Variants in PGBD5 observed in about 807,000 individuals in gnomAD.
The protein encoded by PGBD5 is piggyBac transposable element-derived protein 5.
A neutral mutation model predicts 47.9 loss-of-function variants in PGBD5; 14 were observed. The ratio of observed to expected loss-of-function variants is 0.29; its 90% CI spans 0.19 to 0.46. The LOEUF (loss-of-function observed/expected upper bound fraction) is 0.46, where lower values mean the gene tolerates loss of function less well. Ranked by LOEUF, PGBD5 falls within the 20% of genes least tolerant of loss-of-function variation. The probability of loss-of-function intolerance (pLI) is 1.00; values close to 1 mark genes in which losing one functional copy is unlikely to be tolerated. For synonymous variants in PGBD5, 316 were observed against 306.3 expected, an observed-to-expected ratio of 1.03 and a Z score of -0.33; for missense variants, 635 against 716.0, an observed-to-expected ratio of 0.89 and a Z score of 1.29.
intron 1 of PGBD5, among the ~76,000 whole-genome samples, chr1:230,383,226 T>C (rs1656555484): frequency 6.6e-6 from 1 of 151,914 alleles, no homozygotes; most frequent in Non-Finnish European, 1.5e-5. Context: ...TGCACCACCA[T>C]GCCCAGCTAA....
chr1:230,360,068 A>G (rs1231174000), intron 1 of PGBD5, among the ~76,000 whole-genome samples: 3 of 152,220 alleles, frequency 2.0e-5, no homozygotes, highest in South Asian at 4.1e-4. Context: ...CAATTATTCA[A>G]GGATAGTGCT....
At chr1:230,326,496 T>C (rs1375944344) in intron 5 of PGBD5, among the ~76,000 whole-genome samples, 1 of 152,168 alleles carries the variant, frequency 6.6e-6, no homozygotes, top group Non-Finnish European at 1.5e-5. Flanking sequence ...TCTTGCTCTG[T>C]CACTCAGGCT....
chr1:230,335,868 TGCATACACGGAC>T lies in PGBD5; in HGVS notation c.1075+1228_1075+1239del, dbSNP rs2102818042. Reference sequence around the variant, plus strand: ...ACAGACACACAGATACACACACAGATGCATACACGGACACACAGATGCATACACGGACATACA... The same window carrying T: ...ACAGACACACAGATACACACACAGATACACAGATGCATACACGGACATACA... On this transcript the variant is annotated intron_variant, in intron 4 of 6. Coordinates refer to ENST00000391860, the MANE Select transcript of PGBD5 (RefSeq NM_001258311.2). Among the ~76,000 whole-genome samples the T allele has an allele frequency of 5.3e-4, 3 of 5,678 alleles. No homozygotes were observed. The South Asian group carries it at 0.058, about 109-fold the overall frequency. The allele number at this position is 5,678 out of a possible 152,430, so 3.7% of individuals were successfully genotyped here.
intron 1 of PGBD5, among the ~76,000 whole-genome samples, chr1:230,419,177 A>G (rs904077115): frequency 5.6e-5 from 8 of 142,072 alleles, no homozygotes; most frequent in African/African-American, 1.9e-4. Context: ...TCAATGGTGG[A>G]CTGGATAAAG....
rs1427801976 is a variant in PGBD5 at position 230,322,837 on chromosome 1, T to A, written c.*588A>T. 1 of 152,726 alleles carries A rather than the reference T, an allele frequency of 6.5e-6. No individual in the cohort carries two copies. Among genetic ancestry groups the A allele is most frequent in the Non-Finnish European group, 1.5e-5 (1 of 68,142 alleles). The allele number at this position is 152,726 out of a possible 1,614,324, so 9.5% of individuals were successfully genotyped here. On this transcript the variant is annotated 3_prime_UTR_variant, in exon 7 of 7. Coordinates refer to ENST00000391860, the MANE Select transcript of PGBD5 (RefSeq NM_001258311.2). This position sits in a 1 kb window ranked among gnomAD's most constrained non-coding sequence, Gnocchi z 5.9. Reference sequence around the variant, plus strand: ...AGAGGGAATGAGCAGGAATGCCTCGTTTTTCAGAATGGGCACCCACTCCCC... The same window carrying A: ...AGAGGGAATGAGCAGGAATGCCTCGATTTTCAGAATGGGCACCCACTCCCC...
Position 230,425,964 on chromosome 1 carries a change from T to C in PGBD5, c.-36A>G, listed in dbSNP as rs1657774578. 5 of 895,010 alleles carry C rather than the reference T, an allele frequency of 5.6e-6. No homozygotes were observed. The highest frequency in any genetic ancestry group is 6.6e-6 in the Non-Finnish European group (5 of 756,164). 55.4% of individuals were successfully genotyped at this position (895,010 alleles called of 1,614,324 possible). ...GCCGCCCGCGCGCCCGCCCCCACAG[T>C]GCCTCCCAGCCGCACACGCCGGGCC... On this transcript the variant is annotated 5_prime_UTR_variant, in exon 1 of 7. Transcript: ENST00000391860. The surrounding 1 kb of genome is among the most constrained non-coding windows in gnomAD (Gnocchi z 4.7).
chr1:230,425,929 G>T lies in PGBD5; in HGVS notation c.-1C>A, dbSNP rs1043788139. On this transcript the variant is annotated 5_prime_UTR_variant, in exon 1 of 7. Coordinates refer to ENST00000391860, the MANE Select transcript of PGBD5 (RefSeq NM_001258311.2). This position sits in a 1 kb window ranked among gnomAD's most constrained non-coding sequence, Gnocchi z 4.7. Reference sequence around the variant, plus strand: ...GCGCGCCCCCGCCGCCCTCGGCCATGGCCCCGGCCGCCGCCCGCGCGCCCG... The same window carrying T: ...GCGCGCCCCCGCCGCCCTCGGCCATTGCCCCGGCCGCCGCCCGCGCGCCCG... 2.4e-5 allele frequency: 24 copies of T among 996,982 alleles called. No individual in the cohort carries two copies. The Admixed American group carries it at 1.6e-3, about 68-fold the overall frequency. The allele number at this position is 996,982 out of a possible 1,614,324, so 61.8% of individuals were successfully genotyped here. A position where few individuals can be genotyped will look rare whatever the true frequency, so the allele number is the denominator to read the frequency against.
At chr1:230,330,077 C>T (rs1033557090) in intron 5 of PGBD5, among the ~76,000 whole-genome samples, 5 of 152,054 alleles carry the variant, frequency 3.3e-5, no homozygotes, top group African/African-American at 4.8e-5. Flanking sequence ...TGAATGAGAA[C>T]GTGACAAATA....
intron 1 of PGBD5, among the ~76,000 whole-genome samples, chr1:230,372,239 C>G (rs991320931): frequency 2.0e-5 from 3 of 152,182 alleles, no homozygotes; most frequent in African/African-American, 7.2e-5. Flanking sequence ...TCAAATCACC[C>G]AAGTTAGAGT....
rs1268973070 is a variant in PGBD5 at position 230,412,231 on chromosome 1, AG to A, written c.331+13366del. Among the ~76,000 whole-genome samples the A allele has an allele frequency of 9.2e-5, 14 of 152,334 alleles. No individual in the cohort carries two copies. In the South Asian group the frequency reaches 2.5e-3, roughly 27 times the overall value. The stretch of plus-strand genomic sequence containing the variant: ...TGGCCCTTGAACAATGCAGGGGTTA[AG>A]GGGTTGACCCCAACCCAGTTGAAAA... On this transcript the variant is annotated intron_variant, in intron 1 of 6. Transcript: ENST00000391860.
At chr1:230,335,754 C>T (rs1397722470) in intron 4 of PGBD5, among the ~76,000 whole-genome samples, 2 of 140,354 alleles carry the variant, frequency 1.4e-5, no homozygotes, top group East Asian at 2.2e-4. Context: ...AAGACACACA[C>T]AGATACACAG....
chr1:230,343,785 G>C (rs1307947924), intron 3 of PGBD5, among the ~76,000 whole-genome samples: 1 of 152,186 alleles, frequency 6.6e-6, no homozygotes, highest in East Asian at 1.9e-4. Context: ...TAAAAAGACT[G>C]AGTCAAATAA....
rs543739037 is a variant in PGBD5 at position 230,320,219 on chromosome 1, A to G, written c.*3206T>C. On this transcript the variant is annotated 3_prime_UTR_variant, in exon 7 of 7. Coordinates refer to ENST00000391860, the MANE Select transcript of PGBD5 (RefSeq NM_001258311.2). ...GAAAGACAATGAAAGTCGAATATGG[A>G]ACCTGATCAAGTAGGCACCAAACAG... 6.6e-6 allele frequency: 1 copy of G among 151,960 alleles called. No homozygotes were observed. 9.4% of individuals were successfully genotyped at this position (151,960 alleles called of 1,614,324 possible).
At chr1:230,402,795 T>C (rs892598035) in intron 1 of PGBD5, among the ~76,000 whole-genome samples, 3 of 152,210 alleles carry the variant, frequency 2.0e-5, no homozygotes, top group African/African-American at 7.2e-5. Context: ...GCCAGCAACA[T>C]TTTAATATGT....
At chr1:230,413,045 T>A (rs572156701) in intron 1 of PGBD5, among the ~76,000 whole-genome samples, 1 of 151,554 alleles carries the variant, frequency 6.6e-6, no homozygotes, top group South Asian at 2.1e-4. Flanking sequence ...AAAACCAGTA[T>A]TTTTTCTCAT....
chr1:230,412,222 C>T (rs998522022), intron 1 of PGBD5, among the ~76,000 whole-genome samples: 4 of 152,158 alleles, frequency 2.6e-5, no homozygotes, highest in African/African-American at 9.7e-5. Flanking sequence ...TTGAACAATG[C>T]AGGGGTTAAG....
intron 1 of PGBD5, among the ~76,000 whole-genome samples, chr1:230,419,947 G>A (rs540955450): frequency 6.6e-6 from 1 of 152,038 alleles, no homozygotes; most frequent in East Asian, 1.9e-4. Flanking sequence ...ACAACATGGC[G>A]AAACCCCATC....
At chr1:230,379,188 C>T (rs1258720104) in intron 1 of PGBD5, among the ~76,000 whole-genome samples, 6 of 152,178 alleles carry the variant, frequency 3.9e-5, no homozygotes, top group Admixed American at 2.6e-4. Context: ...AAACCTCACC[C>T]ACCTGCTGCC....
At chr1:230,368,223 AC>A in intron 1 of PGBD5, 4 of 1,287,350 alleles carry the variant, frequency 3.1e-6, no homozygotes, top group Non-Finnish European at 4.1e-6. Flanking sequence ...ACTGAAATAT[AC>A]ATGGACTTGG....
Sources: gnomAD v4.1 joint callset for allele counts (sites outside exome capture counted in the v4.1 genomes callset) on GRCh38, gnomAD v4.1.1 for gene constraint, Gnocchi (gnomAD v3.1) non-coding constraint, MANE v1.5 for transcripts, NCBI Gene and HGNC (gene_info 2026-07-23, HGNC 2026-07-21) for gene names.